SUMF1: variants seen among roughly 807,000 people sequenced by gnomAD.
SUMF1 encodes formylglycine-generating enzyme.
Under a neutral mutation model 47.6 loss-of-function variants are expected in SUMF1, and 48 were observed. The observed-to-expected ratio is 1.01, with a 90% CI of 0.80 to 1.28. SUMF1 has a LOEUF of 1.28. SUMF1 is among the 50% of genes most tolerant of loss of function. The pLI, the probability that SUMF1 is intolerant of heterozygous loss-of-function variation, is 0.00. For missense variants in SUMF1, 571 were observed against 485.4 expected (o/e 1.18, Z -1.66); for synonymous variants, 230 against 192.1 (o/e 1.20, Z -1.63).
chr3:4,457,043 T>TATACGTGTGTGTAC, intron 1 of SUMF1, among the ~76,000 whole-genome samples: 3 of 119,566 alleles, frequency 2.5e-5, no homozygotes, highest in Non-Finnish European at 3.9e-5. Context: ...TGTGTGTATA[T>TATACGTGTGTGTAC]ATATATACGT....
intron 8 of SUMF1, among the ~76,000 whole-genome samples, chr3:4,368,185 C>G (rs1199093197): frequency 2.0e-5 from 3 of 152,198 alleles, no homozygotes; most frequent in African/African-American, 7.2e-5. Flanking sequence ...AGGACATGAA[C>G]AGACACTTCT....
At chr3:4,276,001 T>A (rs551000176) in intron 8 of SUMF1, among the ~76,000 whole-genome samples, 5 of 152,296 alleles carry the variant, frequency 3.3e-5, no homozygotes, top group Non-Finnish European at 7.4e-5. Flanking sequence ...TTCTCTGTAG[T>A]TCTGGTTAAC....
chr3:4,336,417 A>G (rs1399683878), intron 8 of SUMF1, among the ~76,000 whole-genome samples: 20 of 152,184 alleles, frequency 1.3e-4, no homozygotes. Context: ...TACATAAGAT[A>G]AAGTAAGCAT....
chr3:4,130,185 G>T (rs1017943580), intron 8 of SUMF1, among the ~76,000 whole-genome samples: 29 of 152,130 alleles, frequency 1.9e-4, no homozygotes, highest in Non-Finnish European at 2.6e-4. Flanking sequence ...AATGACAGTG[G>T]ATTATCATAA....
chr3:4,466,900 T>A, intron 1 of SUMF1, 76 bp downstream of exon 1: 2 of 1,555,466 alleles, frequency 1.3e-6, no homozygotes, highest in South Asian at 1.2e-5. Flanking sequence ...TTCCTACTAG[T>A]GCCTTGCTTT....
chr3:4,193,190 G>A (rs1041165399), intron 8 of SUMF1, among the ~76,000 whole-genome samples: 2 of 151,810 alleles, frequency 1.3e-5, no homozygotes, highest in African/African-American at 4.8e-5. Flanking sequence ...TGAAATATGG[G>A]TATTATACAT....
chr3:4,258,729 GA>G (rs1178498959), intron 8 of SUMF1, among the ~76,000 whole-genome samples: 1 of 142,826 alleles, frequency 7.0e-6, no homozygotes, highest in Non-Finnish European at 1.5e-5. Flanking sequence ...TCTAGAACTA[GA>G]AATACCATTT....
At chr3:4,328,032 A>G (rs1369573427) in intron 8 of SUMF1, among the ~76,000 whole-genome samples, 1 of 152,096 alleles carries the variant, frequency 6.6e-6, no homozygotes, top group African/African-American at 2.4e-5. Context: ...CTTGTGCTAC[A>G]TAGTGAGGCC....
chr3:4,044,181 A>T (rs1229453554), intron 9 of SUMF1, among the ~76,000 whole-genome samples: 2 of 152,206 alleles, frequency 1.3e-5, no homozygotes, highest in Non-Finnish European at 2.9e-5. Context: ...TTATGTTAGA[A>T]TGCGTAACCA....
intron 3 of SUMF1, among the ~76,000 whole-genome samples, chr3:4,425,900 G>A (rs1198930898): frequency 1.3e-5 from 2 of 152,208 alleles, no homozygotes; most frequent in Admixed American, 1.3e-4. Flanking sequence ...AAGAGGGCAA[G>A]AGAGCATGTG....
rs558159685 is a variant in SUMF1, at chr3:4,069,470, G to T, written c.1015-725C>A. On this transcript the variant is annotated intron_variant and NMD_transcript_variant, in intron 8 of 12. Coordinates refer to the SUMF1 transcript ENST00000448413. ...TTAAGTGAAGTCTGCTGGGACAATGGAGAATGTTCATGAGCAGAGGAGATA... is the reference window on the plus strand; with the variant it reads ...TTAAGTGAAGTCTGCTGGGACAATGTAGAATGTTCATGAGCAGAGGAGATA... Among the ~76,000 whole-genome samples the T allele has an allele frequency of 5.3e-5, 8 of 152,178 alleles. No individual in the cohort carries two copies. The South Asian group carries it at 1.7e-3, about 31-fold the overall frequency.
At chr3:4,195,314 C>T (rs1275549207) in intron 8 of SUMF1, among the ~76,000 whole-genome samples, 1 of 152,078 alleles carries the variant, frequency 6.6e-6, no homozygotes, top group Non-Finnish European at 1.5e-5. Flanking sequence ...TAGGAGTATG[C>T]ATGTGGGTCA....
At chr3:4,060,302 G>T (rs1353530399) in intron 9 of SUMF1, among the ~76,000 whole-genome samples, 1 of 152,152 alleles carries the variant, frequency 6.6e-6, no homozygotes, top group Non-Finnish European at 1.5e-5. Context: ...GCCTGCCAGG[G>T]CACAGACTGG....
intron 8 of SUMF1, among the ~76,000 whole-genome samples, chr3:4,215,716 G>A (rs549876379): frequency 1.3e-5 from 2 of 152,198 alleles, no homozygotes; most frequent in African/African-American, 4.8e-5. Context: ...CAAAATCAAT[G>A]TGCAAAAATC....
chr3:4,348,214 A>G (rs1035933942), intron 8 of SUMF1, among the ~76,000 whole-genome samples: 53 of 152,232 alleles, frequency 3.5e-4, no homozygotes, highest in Non-Finnish European at 6.8e-4. Flanking sequence ...GAGCCTGGAT[A>G]GCCAAGACAA....
chr3:4,252,620 A>AT (rs1696831778), intron 8 of SUMF1, among the ~76,000 whole-genome samples: 1 of 152,192 alleles, frequency 6.6e-6, no homozygotes, highest in Non-Finnish European at 1.5e-5. Context: ...AGAACAAAAA[A>AT]CTAGGAAAGT....
At chr3:4,462,709 A>G (rs2079844561) in intron 1 of SUMF1, among the ~76,000 whole-genome samples, 1 of 152,224 alleles carries the variant, frequency 6.6e-6, no homozygotes, top group East Asian at 1.9e-4. Flanking sequence ...AAAATAAAAT[A>G]AAATAAGCTA....
chr3:4,236,677 A>T (rs1696417312), intron 8 of SUMF1, among the ~76,000 whole-genome samples: 1 of 152,124 alleles, frequency 6.6e-6, no homozygotes, highest in Non-Finnish European at 1.5e-5. Context: ...GAGTTCTCAT[A>T]TATCCCTTGT....
At chr3:4,393,937 T>G (rs1399084610) in intron 7 of SUMF1, among the ~76,000 whole-genome samples, 2 of 152,090 alleles carry the variant, frequency 1.3e-5, no homozygotes, top group Non-Finnish European at 2.9e-5. Context: ...CTCAACCAAA[T>G]GTAATTAGGA....
Sources: gnomAD v4.1 joint callset for allele counts (sites outside exome capture counted in the v4.1 genomes callset) on GRCh38, gnomAD v4.1.1 for gene constraint, MANE v1.5 for transcripts, NCBI Gene and HGNC (gene_info 2026-07-23, HGNC 2026-07-21) for gene names.